PCBP4: variants seen among roughly 807,000 people sequenced by gnomAD.
PCBP4 encodes the protein poly(rC)-binding protein 4.
In PCBP4, 24 loss-of-function variants were observed where a neutral mutation model predicts 46.2. The observed-to-expected ratio is 0.52, with a 90% confidence interval of 0.38 to 0.73. The LOEUF (loss-of-function observed/expected upper bound fraction) is 0.73. Ranked by LOEUF, PCBP4 falls within the 30% of genes least tolerant of loss-of-function variation. The pLI, the probability that PCBP4 is intolerant of heterozygous loss-of-function variation, is 0.00. For missense variants in PCBP4, 407 were observed against 537.0 expected, an observed-to-expected ratio of 0.76 and a Z score of 2.39; for synonymous variants, 203 against 224.4, an observed-to-expected ratio of 0.90 and a Z score of 0.85.
intron 2 of PCBP4, 69 bp downstream of exon 2, chr3:51,961,872 G>A (rs1462087928): frequency 2.6e-6 from 1 of 382,886 alleles, no homozygotes; most frequent in Non-Finnish European, 3.6e-6. Context: ...GTGTGGTCAG[G>A]TCTTGCCACT....
Position 51,960,400 on chromosome 3 carries a change from G to GTC in PCBP4, c.256-82_256-81dup. 1 of 1,579,536 alleles carries GTC rather than the reference G, an allele frequency of 6.3e-7. No homozygotes were observed. Among genetic ancestry groups the GTC allele is most frequent in the Non-Finnish European group, 8.6e-7 (1 of 1,157,796 alleles). On this transcript the variant is annotated intron_variant, in intron 6 of 13. Coordinates refer to ENST00000461554, the MANE Select transcript of PCBP4 (RefSeq NM_001174100.2). This position sits in a 1 kb window ranked among gnomAD's most constrained non-coding sequence, Gnocchi z 5.0. ...GGGTCAGGAGGGTACCCTTTCCCCA[G>GTC]TCCCACTTCAAGGGAACACTGCCCT...
In PCBP4 at chr3:51,960,650, T is replaced by C. The variant is rs1477156133; in HGVS notation, c.139-8A>G. ...GGTGATCCGGGCACTGCTCTGCAGATATAGAATGAGCGCCGGGCAGCGGGG... is the reference window on the plus strand; with the variant it reads ...GGTGATCCGGGCACTGCTCTGCAGACATAGAATGAGCGCCGGGCAGCGGGG... On this transcript the variant is annotated splice_region_variant and splice_polypyrimidine_tract_variant and intron_variant, in intron 5 of 13. Transcript: ENST00000461554. The surrounding 1 kb of genome is among the most constrained non-coding windows in gnomAD (Gnocchi z 5.0). 3.7e-6 allele frequency: 6 copies of C among 1,607,136 alleles called. No homozygotes were observed. Among genetic ancestry groups the C allele is most frequent in the South Asian group, 2.2e-5 (2 of 90,946 alleles).
Position 51,959,196 on chromosome 3 carries a change from C to A in PCBP4, c.700+33G>T, listed in dbSNP as rs781192257. On this transcript the variant is annotated intron_variant, in intron 11 of 13. Coordinates refer to ENST00000461554, the MANE Select transcript of PCBP4 (RefSeq NM_001174100.2). The surrounding 1 kb of genome is among the most constrained non-coding windows in gnomAD (Gnocchi z 5.6). ...GGGAGGGGGCTGCCCTCTTAGGACC[C>A]TCCCCCTGCCTCCTTGTGCAGGGGT... is the stretch of plus-strand genomic sequence containing the variant. 6.2e-7 allele frequency: 1 copy of A among 1,613,588 alleles called. No individual in the cohort carries two copies. Among genetic ancestry groups the A allele is most frequent in the African/African-American group, 1.3e-5 (1 of 75,042 alleles).
At chr3:51,964,401 G>T (rs1003040872) in intron 1 of PCBP4, among the ~76,000 whole-genome samples, 1 of 152,200 alleles carries the variant, frequency 6.6e-6, no homozygotes, top group Non-Finnish European at 1.5e-5. Flanking sequence ...GGGGCCAGGC[G>T]ATTCAAGTAG....
intron 1 of PCBP4, among the ~76,000 whole-genome samples, chr3:51,967,049 A>C (rs1191958203): frequency 2.6e-5 from 4 of 152,158 alleles, no homozygotes; most frequent in African/African-American, 9.7e-5. Flanking sequence ...CAGGAGTCAG[A>C]GAGAGGAGCA....
rs372521659 is a variant in PCBP4, at chr3:51,959,105, G to C, written c.701-6C>G. 1.2e-4 allele frequency: 194 copies of C among 1,613,724 alleles called. No individual in the cohort carries two copies. The highest frequency in any genetic ancestry group is 1.5e-4 in the Non-Finnish European group (179 of 1,179,906). On this transcript the variant is annotated splice_polypyrimidine_tract_variant and splice_region_variant and intron_variant, in intron 11 of 13. Transcript: ENST00000461554. This position sits in a 1 kb window ranked among gnomAD's most constrained non-coding sequence, Gnocchi z 5.6. ...CTGTGTGCCGGGATCCAGTCCTGAG[G>C]GGGAGAAGAGGGACTGAGTGTGGTT...
chr3:51,959,943 A>G lies in PCBP4; in HGVS notation c.468T>C (p.Pro156=). 2 of 1,610,036 alleles carry G rather than the reference A, an allele frequency of 1.2e-6. No individual in the cohort carries two copies. The highest frequency in any genetic ancestry group is 3.3e-5 in the Admixed American group (2 of 59,808). Reference sequence around the variant, plus strand: ...GGCGCACACACAGGATGATGGCATCAGGCACCCCAGATACCGTAACAGCTC... The same window carrying G: ...GGCGCACACACAGGATGATGGCATCGGGCACCCCAGATACCGTAACAGCTC... ...TERAVTVSGV[P]DAIILCVRQI... The change falls in exon 8 of 14, where the codon CCT becomes CCC. Residue 156 remains proline, a synonymous_variant. Coordinates refer to ENST00000461554, the MANE Select transcript of PCBP4 (RefSeq NM_001174100.2). The surrounding 1 kb of genome is among the most constrained non-coding windows in gnomAD (Gnocchi z 5.6).
chr3:51,966,464 G>A (rs1449498944), intron 1 of PCBP4, among the ~76,000 whole-genome samples: 1 of 152,118 alleles, frequency 6.6e-6, no homozygotes, highest in Non-Finnish European at 1.5e-5. Context: ...AGGCAATGAG[G>A]GTGACCCAGG....
At position 51,957,733 on chromosome 3, in the gene PCBP4, A is replaced by C; in HGVS notation, c.*328T>G. 5.2e-6 allele frequency: 1 copy of C among 193,858 alleles called. No individual in the cohort carries two copies. The highest frequency in any genetic ancestry group is 1.0e-5 in the Non-Finnish European group (1 of 95,536). 12.0% of individuals were successfully genotyped at this position (193,858 alleles called of 1,614,324 possible). On this transcript the variant is annotated 3_prime_UTR_variant, in exon 14 of 14. Transcript: ENST00000461554. ...CCCACAAGGATGCAGTAGGCCAGGA[A>C]GCCCTAAGGGATGGGGAGTGCGTGA...
At position 51,960,156 on chromosome 3, in the gene PCBP4, G is replaced by T. The variant is rs1559759152; in HGVS notation, c.387+33C>A. 6.2e-7 allele frequency: 1 copy of T among 1,614,054 alleles called. No homozygotes were observed. The highest frequency in any genetic ancestry group is 8.5e-7 in the Non-Finnish European group (1 of 1,180,006). On this transcript the variant is annotated intron_variant, in intron 7 of 13. Coordinates refer to ENST00000461554, the MANE Select transcript of PCBP4 (RefSeq NM_001174100.2). The surrounding 1 kb of genome is among the most constrained non-coding windows in gnomAD (Gnocchi z 5.0). ...CTCTTACAACTGCTCCCTTGCCCCG[G>T]ATTCCCTGTGGGTGGTATATCTCGC...
chr3:51,963,907 G>C (rs1039925184), intron 1 of PCBP4, among the ~76,000 whole-genome samples: 4 of 152,222 alleles, frequency 2.6e-5, no homozygotes, highest in African/African-American at 9.6e-5. Context: ...GGCATCACTG[G>C]CTCCCCCTGC....
Position 51,958,761 on chromosome 3 carries a change from TC to T in PCBP4, c.923+28del, listed in dbSNP as rs2106724880. On this transcript the variant is annotated intron_variant, in intron 13 of 13. Transcript: ENST00000461554. This position sits in a 1 kb window ranked among gnomAD's most constrained non-coding sequence, Gnocchi z 5.4. Reference sequence around the variant, plus strand: ...TGGGCACATGAGAACCGTGACCTGCTCCCCCACTGCCGCCCAGCCCGCGCTC... The same window carrying T: ...TGGGCACATGAGAACCGTGACCTGCTCCCCACTGCCGCCCAGCCCGCGCTC... 6 of 1,596,862 alleles carry T rather than the reference TC, an allele frequency of 3.8e-6. No individual in the cohort carries two copies. The highest frequency in any genetic ancestry group is 1.7e-6 in the Non-Finnish European group (2 of 1,170,178).
At chr3:51,964,618 T>C (rs535432134) in intron 1 of PCBP4, among the ~76,000 whole-genome samples, 63 of 152,302 alleles carry the variant, frequency 4.1e-4, no homozygotes, top group Admixed American at 9.2e-4. Flanking sequence ...TGCTGGGGAA[T>C]GGCTCGGAGC....
rs138501114 is a variant in PCBP4 at position 51,961,016 on chromosome 3, G to T, written c.99C>A (p.Ile33=). The change falls in exon 4 of 14, where the codon ATC becomes ATA. Residue 33 remains isoleucine (I), a synonymous_variant. Coordinates refer to ENST00000461554, the MANE Select transcript of PCBP4 (RefSeq NM_001174100.2). ...LMHGKEVGSI[I]GKKGETVKRI... is the part of the protein sequence containing the mutation. ...AGCAGAGCTAGGCACCTACCTTCCC[G>T]ATGATGCTGCCCACTTCCTGCGGAC... 2 of 1,614,098 alleles carry T rather than the reference G, an allele frequency of 1.2e-6. No individual in the cohort carries two copies. Among genetic ancestry groups the T allele is most frequent in the Non-Finnish European group, 1.7e-6 (2 of 1,180,044 alleles).
Position 51,958,983 on chromosome 3 carries a change from C to T in PCBP4, c.754-24G>A, listed in dbSNP as rs1699988230. On this transcript the variant is annotated intron_variant, in intron 12 of 13. Transcript: ENST00000461554. This position sits in a 1 kb window ranked among gnomAD's most constrained non-coding sequence, Gnocchi z 5.4. Reference sequence around the variant, plus strand: ...AACTAGAGGGAAGGCAGAATTCAGCCCTGGGTGAGGTCCAGACCCCCAGAC... The same window carrying T: ...AACTAGAGGGAAGGCAGAATTCAGCTCTGGGTGAGGTCCAGACCCCCAGAC... 6.2e-7 allele frequency: 1 copy of T among 1,613,770 alleles called. No individual in the cohort carries two copies. Among genetic ancestry groups the T allele is most frequent in the Non-Finnish European group, 8.5e-7 (1 of 1,179,818 alleles).
In PCBP4 at chr3:51,961,430, G is replaced by A. The variant is rs554202385; in HGVS notation, c.-64-126C>T. ...GAAAGAGACTGCATGGACCTTGAGC[G>A]CCACACATCACTCTGACCAGGGTGC... On this transcript the variant is annotated intron_variant, in intron 2 of 13. Coordinates refer to ENST00000461554, the MANE Select transcript of PCBP4 (RefSeq NM_001174100.2). 133 of 1,104,022 alleles carry A rather than the reference G, an allele frequency of 1.2e-4. No homozygotes were observed. In the African/African-American group the frequency reaches 1.6e-3, roughly 13 times the overall value. 68.4% of individuals were successfully genotyped at this position (1,104,022 alleles called of 1,614,324 possible). A position where few individuals can be genotyped will look rare whatever the true frequency, so the allele number is the denominator to read the frequency against.
rs1577686229 is a variant in PCBP4 at position 51,961,750 on chromosome 3, C to T, written c.-65+191G>A. 4.0e-6 allele frequency: 4 copies of T among 990,418 alleles called. No homozygotes were observed. In the East Asian group the frequency reaches 3.3e-4, roughly 82 times the overall value. The allele number at this position is 990,418 out of a possible 1,614,324, so 61.4% of individuals were successfully genotyped here. A position where few individuals can be genotyped will look rare whatever the true frequency, so the allele number is the denominator to read the frequency against. ...GTGGAGTTCAGGCTGAAAGCTTACT[C>T]CATATGAGAGGCACTTTCGTCCAGC... On this transcript the variant is annotated intron_variant, in intron 2 of 13. Coordinates refer to ENST00000461554, the MANE Select transcript of PCBP4 (RefSeq NM_001174100.2).
Position 51,960,511 on chromosome 3 carries a change from T to C in PCBP4, c.255+15A>G. ...GGGAACCACTCTTGGCGTCCTGCCC[T>C]GGCCAGCCACGGACCTCATCCAGTT... On this transcript the variant is annotated intron_variant, in intron 6 of 13. Transcript: ENST00000461554. The surrounding 1 kb of genome is among the most constrained non-coding windows in gnomAD (Gnocchi z 5.0). The C allele has an allele frequency of 6.2e-7, 1 of 1,603,328 alleles. No individual in the cohort carries two copies.
At chr3:51,966,628 T>G (rs1700443106) in intron 1 of PCBP4, among the ~76,000 whole-genome samples, 1 of 151,978 alleles carries the variant, frequency 6.6e-6, no homozygotes, top group African/African-American at 2.4e-5. Context: ...CAACTGGCCC[T>G]GGGTGCATCA....
Sources: gnomAD v4.1 joint callset for allele counts (sites outside exome capture counted in the v4.1 genomes callset) on GRCh38, gnomAD v4.1.1 for gene constraint, Gnocchi (gnomAD v3.1) non-coding constraint, MANE v1.5 for transcripts, NCBI Gene and HGNC (gene_info 2026-07-23, HGNC 2026-07-21) for gene names.